The following ARHGAP39 variants were observed in gnomAD, a reference collection of about 807,000 sequenced individuals.
ARHGAP39 encodes Rho GTPase activating protein 39.
Under a neutral mutation model 106.9 loss-of-function variants are expected in ARHGAP39, and 44 were observed. The ratio of observed to expected loss-of-function variants is 0.41; its 90% confidence interval spans 0.32 to 0.53. The LOEUF is 0.53. ARHGAP39 is among the 20% of genes least tolerant of loss of function. ARHGAP39 has a pLI of 0.21. For synonymous variants in ARHGAP39, 768 were observed against 693.2 expected, an observed-to-expected ratio of 1.11 and a Z score of -1.69; for missense variants, 1,496 against 1,577.3, an observed-to-expected ratio of 0.95 and a Z score of 0.87.
rs535349972 is a variant in ARHGAP39 at position 144,671,317 on chromosome 8, C to T, written c.-82+14369G>A. On this transcript the variant is annotated intron_variant, in intron 1 of 11. Coordinates refer to ENST00000377307, the MANE Select transcript of ARHGAP39 (RefSeq NM_025251.3). The surrounding 1 kb of genome is among the most constrained non-coding windows in gnomAD (Gnocchi z 4.5). Reference sequence around the variant, plus strand: ...ATGGGTCAAGGGTGGATAATAACTTCACGTAAGTTCTGATGTTTTCCGCAA... The same window carrying T: ...ATGGGTCAAGGGTGGATAATAACTTTACGTAAGTTCTGATGTTTTCCGCAA... Among the ~76,000 whole-genome samples, 7 of 152,368 alleles carry T rather than the reference C, an allele frequency of 4.6e-5. No individual in the cohort carries two copies. The highest frequency in any genetic ancestry group is 9.6e-5 in the African/African-American group (4 of 41,584).
chr8:144,696,855 TTC>T, the ARHGAP39 span, among the ~76,000 whole-genome samples: 1 of 152,280 alleles, frequency 6.6e-6, no homozygotes, highest in Non-Finnish European at 1.5e-5. Flanking sequence ...GTAACCAACA[TTC>T]TTTCTGTCTG....
At position 144,529,235 on chromosome 8, in the gene ARHGAP39, G is replaced by A; in HGVS notation, c.*1187C>T. 1 of 251,996 alleles carries A rather than the reference G, an allele frequency of 4.0e-6. No homozygotes were observed. Among genetic ancestry groups the A allele is most frequent in the Admixed American group, 5.6e-5 (1 of 17,706 alleles). The allele number at this position is 251,996 out of a possible 1,614,324, so 15.6% of individuals were successfully genotyped here. On this transcript the variant is annotated 3_prime_UTR_variant, in exon 12 of 12. Transcript: ENST00000377307. ...CGTCGCCTCTCGGGTCCATGCGTCG[G>A]GGCGAGCGTCTCAGCCGGGCGGGAC...
At chr8:144,572,545 A>G (rs1455387408) in intron 3 of ARHGAP39, among the ~76,000 whole-genome samples, 1 of 152,244 alleles carries the variant, frequency 6.6e-6, no homozygotes, top group African/African-American at 2.4e-5. Context: ...CCTAGGCATT[A>G]CCATTCAGGA....
chr8:144,631,379 T>C (rs2130978819), intron 1 of ARHGAP39, among the ~76,000 whole-genome samples: 1 of 152,354 alleles, frequency 6.6e-6, no homozygotes, highest in South Asian at 2.1e-4. Context: ...TCGTCACTCA[T>C]CTTCCAACCC....
intron 2 of ARHGAP39, among the ~76,000 whole-genome samples, chr8:144,595,862 G>A (rs887199961): frequency 6.6e-5 from 10 of 152,280 alleles, no homozygotes; most frequent in Admixed American, 2.6e-4. Context: ...CTCCCGCCGC[G>A]CCGCCATCTT....
At chr8:144,590,635 C>G (rs543795815) in intron 2 of ARHGAP39, among the ~76,000 whole-genome samples, 1 of 152,176 alleles carries the variant, frequency 6.6e-6, no homozygotes, top group Non-Finnish European at 1.5e-5. Context: ...AATGTGAGAA[C>G]GGCCTGACAC....
chr8:144,640,767 G>A (rs574430506), intron 1 of ARHGAP39, among the ~76,000 whole-genome samples: 1 of 152,244 alleles, frequency 6.6e-6, no homozygotes, highest in Admixed American at 6.5e-5. Context: ...AAACGAAGCC[G>A]AGTTTTCGAT....
chr8:144,561,941 C>CTCCAGTGGTTTCCATCGG (rs1818188477), intron 3 of ARHGAP39, among the ~76,000 whole-genome samples: 4 of 145,062 alleles, frequency 2.8e-5, no homozygotes, highest in African/African-American at 1.1e-4. Flanking sequence ...GTTTCCATCA[C>CTCCAGTGGTTTCCATCGG]ACTCCAGTGG....
chr8:144,571,472 T>C (rs1367153153), intron 3 of ARHGAP39, among the ~76,000 whole-genome samples: 2 of 152,172 alleles, frequency 1.3e-5, no homozygotes, highest in Non-Finnish European at 2.9e-5. Context: ...AACTAGGTAT[T>C]GATGGGACGT....
chr8:144,534,438 C>A (rs1816870586), intron 7 of ARHGAP39, among the ~76,000 whole-genome samples: 1 of 152,168 alleles, frequency 6.6e-6, no homozygotes, highest in African/African-American at 2.4e-5. Flanking sequence ...AACCGCCTGG[C>A]AGCTCCACCT....
chr8:144,582,244 C>T (rs1012313424), intron 2 of ARHGAP39, among the ~76,000 whole-genome samples: 3 of 152,220 alleles, frequency 2.0e-5, no homozygotes, highest in African/African-American at 7.2e-5. Context: ...AAAGAGCCCC[C>T]CTGGCGGCCG....
intron 1 of ARHGAP39, among the ~76,000 whole-genome samples, chr8:144,674,397 C>A (rs1212255611): frequency 6.6e-6 from 1 of 152,162 alleles, no homozygotes; most frequent in African/African-American, 2.4e-5. Context: ...CTGGTTAGCT[C>A]CTATCCTATC....
chr8:144,594,181 C>T (rs542355955), intron 2 of ARHGAP39, among the ~76,000 whole-genome samples: 17 of 151,886 alleles, frequency 1.1e-4, no homozygotes. Flanking sequence ...TGCAGATGGC[C>T]AATCTACATT....
chr8:144,605,637 G>A lies in ARHGAP39; in HGVS notation c.-23C>T, dbSNP rs376503592. 1.7e-5 allele frequency: 27 copies of A among 1,610,580 alleles called. No homozygotes were observed. Among genetic ancestry groups the A allele is most frequent in the Non-Finnish European group, 2.2e-5 (26 of 1,179,200 alleles). ...CATCGCTGTTTGCTTCCGCGCCCAC[G>A]TGGACAGACGTCAGGGCACCATACG... On this transcript the variant is annotated 5_prime_UTR_variant, in exon 2 of 12. In the 5' UTR this introduces an upstream ATG that the reference lacks. Transcript: ENST00000377307.
chr8:144,670,373 G>A lies in ARHGAP39; in HGVS notation c.-82+15313C>T, dbSNP rs775942549. Among the ~76,000 whole-genome samples the A allele has an allele frequency of 2.0e-5, 3 of 152,124 alleles. No individual in the cohort carries two copies. The highest frequency in any genetic ancestry group is 6.5e-5 in the Admixed American group (1 of 15,272). On this transcript the variant is annotated intron_variant, in intron 1 of 11. Transcript: ENST00000377307. This position sits in a 1 kb window ranked among gnomAD's most constrained non-coding sequence, Gnocchi z 4.4. Reference sequence around the variant, plus strand: ...ACACTGCTCCATCACCCTCCTCACCGGGCCATCGAGCCTCTGAATCCCACA... The same window carrying A: ...ACACTGCTCCATCACCCTCCTCACCAGGCCATCGAGCCTCTGAATCCCACA...
chr8:144,555,710 C>G (rs1817892012), intron 3 of ARHGAP39, 67 bp from the exon 4 acceptor site: 2 of 1,410,334 alleles, frequency 1.4e-6, no homozygotes, highest in Admixed American at 3.4e-5. Context: ...CAGCCACTCC[C>G]TGACTTAAGA....
chr8:144,686,962 G>A (rs562855152), upstream of ARHGAP39, among the ~76,000 whole-genome samples: 26 of 71,542 alleles, frequency 3.6e-4, 3 homozygotes, highest in East Asian at 1.7e-3. Flanking sequence ...ACGCACTGGC[G>A]GCGAGCACTT....
At chr8:144,685,876 G>T (rs1822577722), upstream of ARHGAP39, among the ~76,000 whole-genome samples, 1 of 149,004 alleles carries the variant, frequency 6.7e-6, no homozygotes, top group Non-Finnish European at 1.5e-5. Context: ...GTCACCAAGC[G>T]CAACCCCCCG....
At chr8:144,627,198 G>A (rs1209028375) in intron 1 of ARHGAP39, among the ~76,000 whole-genome samples, 2 of 152,340 alleles carry the variant, frequency 1.3e-5, no homozygotes, top group South Asian at 2.1e-4. Context: ...GGGGGACACA[G>A]GAGGGGGCTC....
Sources: gnomAD v4.1 joint callset for allele counts (sites outside exome capture counted in the v4.1 genomes callset) on GRCh38, gnomAD v4.1.1 for gene constraint, Gnocchi (gnomAD v3.1) non-coding constraint, MANE v1.5 for transcripts, NCBI Gene and HGNC (gene_info 2026-07-23, HGNC 2026-07-21) for gene names.